DNAI3: variants seen among roughly 807,000 people sequenced by gnomAD.
DNAI3 encodes the protein dynein axonemal intermediate chain 3, also known as WD repeat domain 63.
DNAI3 carries 83 observed loss-of-function variants against 115.5 expected under a neutral mutation model. That is an observed-to-expected ratio of 0.72 (90% CI 0.60 to 0.86). The LOEUF is 0.86. Among genes scored for constraint, DNAI3 ranks in the 40% least tolerant of loss-of-function variants. DNAI3 has a pLI of 0.00. For missense variants in DNAI3, 1,004 were observed against 1,075.8 expected (o/e 0.93, Z 0.93); for synonymous variants, 320 against 347.0 (o/e 0.92, Z 0.86).
At chr1:85,112,309 G>A (rs1655683838) in intron 16 of DNAI3, among the ~76,000 whole-genome samples, 1 of 152,084 alleles carries the variant, frequency 6.6e-6, no homozygotes, top group African/African-American at 2.4e-5. Flanking sequence ...TTCATTGTAT[G>A]GATACACAAC....
At chr1:85,094,591 TC>T (rs751816513) in intron 10 of DNAI3, 36 bp downstream of exon 10, 2 of 1,607,252 alleles carry the variant, frequency 1.2e-6, no homozygotes, top group Admixed American at 3.4e-5. Flanking sequence ...GCCTAAATTT[TC>T]AAATACTACT....
intron 15 of DNAI3, among the ~76,000 whole-genome samples, chr1:85,108,995 T>C (rs978383161): frequency 3.9e-5 from 6 of 152,218 alleles, no homozygotes; most frequent in Non-Finnish European, 7.3e-5. Context: ...ATTCTGCCTA[T>C]CAAAATTTTG....
At chr1:85,116,303 C>G (rs1463649145) in intron 16 of DNAI3, among the ~76,000 whole-genome samples, 4 of 152,206 alleles carry the variant, frequency 2.6e-5, no homozygotes, top group Non-Finnish European at 5.9e-5. Context: ...TCTCTTCAGG[C>G]CTCCACTTCC....
intron 14 of DNAI3, 63 bp downstream of exon 14, chr1:85,104,660 C>A: frequency 1.5e-6 from 2 of 1,350,552 alleles, no homozygotes; most frequent in South Asian, 1.2e-5. Flanking sequence ...CTTCGATGCT[C>A]CTAAAATCAG....
chr1:85,097,729 G>T, intron 12 of DNAI3, 74 bp downstream of exon 12: 1 of 1,281,638 alleles, frequency 7.8e-7, no homozygotes. Flanking sequence ...TAATATAGTT[G>T]CCAAGGCTAA....
At chr1:85,117,526 C>T (rs1487744742) in intron 16 of DNAI3, among the ~76,000 whole-genome samples, 1 of 152,162 alleles carries the variant, frequency 6.6e-6, no homozygotes, top group Non-Finnish European at 1.5e-5. Context: ...TATAATATAG[C>T]ACAGTCATTG....
chr1:85,103,637 A>G (rs1429434531), intron 13 of DNAI3, among the ~76,000 whole-genome samples: 1 of 152,148 alleles, frequency 6.6e-6, no homozygotes, highest in East Asian at 1.9e-4. Context: ...CTCTAATCCC[A>G]GCATTTTCAG....
chr1:85,070,130 G>A (rs921078535), intron 1 of DNAI3, among the ~76,000 whole-genome samples: 7 of 152,134 alleles, frequency 4.6e-5, no homozygotes, highest in South Asian at 2.1e-4. Flanking sequence ...GCGTGCTGGC[G>A]TGCACCTGTA....
intron 13 of DNAI3, among the ~76,000 whole-genome samples, chr1:85,104,047 A>G (rs1299650921): frequency 6.6e-6 from 1 of 151,540 alleles, no homozygotes; most frequent in Non-Finnish European, 1.5e-5. Flanking sequence ...AAAAGACTAG[A>G]CAAGAATATG....
Position 85,119,683 on chromosome 1 carries a change from G to GT in DNAI3, c.1917+1830dup, listed in dbSNP as rs1365583301. Among the ~76,000 whole-genome samples, 6 of 151,714 alleles carry GT rather than the reference G, an allele frequency of 4.0e-5. No homozygotes were observed. In the East Asian group the frequency reaches 1.2e-3, roughly 29 times the overall value. On this transcript the variant is annotated intron_variant, in intron 17 of 22. Transcript: ENST00000294664. ...ACCTCCCTCTCACTCTGGCAGCTCT[G>GT]TTTTTTCCTTTTTTCTTTTTTCTTT...
rs182780024 is a variant in DNAI3 at position 85,078,037 on chromosome 1, G to A, written c.104-3197G>A. On this transcript the variant is annotated intron_variant, in intron 3 of 22. Coordinates refer to ENST00000294664, the MANE Select transcript of DNAI3 (RefSeq NM_145172.5). ...CATGAATTGTGTAGAGCTTGAGTCTGCCTTTGGTTCCTGCTAGGTGAATAA... is the reference window on the plus strand; with the variant it reads ...CATGAATTGTGTAGAGCTTGAGTCTACCTTTGGTTCCTGCTAGGTGAATAA... Among the ~76,000 whole-genome samples, 23 of 151,052 alleles carry A rather than the reference G, an allele frequency of 1.5e-4. No homozygotes were observed. In the East Asian group the frequency reaches 4.3e-3, roughly 28 times the overall value.
At chr1:85,129,535 T>C (rs1347949526) in intron 21 of DNAI3, among the ~76,000 whole-genome samples, 3 of 151,922 alleles carry the variant, frequency 2.0e-5, no homozygotes, top group African/African-American at 7.2e-5. Flanking sequence ...ATTGATACTC[T>C]CATCTGGGTT....
chr1:85,132,040 A>G (rs541732196), intron 22 of DNAI3, among the ~76,000 whole-genome samples: 1 of 152,328 alleles, frequency 6.6e-6, no homozygotes, highest in South Asian at 2.1e-4. Flanking sequence ...TATGTGAATG[A>G]ATTTGAAAGG....
intron 13 of DNAI3, among the ~76,000 whole-genome samples, chr1:85,102,360 A>G (rs968439997): frequency 1.3e-5 from 2 of 152,194 alleles, no homozygotes; most frequent in Admixed American, 1.3e-4. Context: ...ATAAAAAATA[A>G]AAAGTAAAGA....
At chr1:85,093,282 T>A (rs1388717797) in intron 8 of DNAI3, among the ~76,000 whole-genome samples, 176 bp from the exon 9 acceptor site, 5 of 152,250 alleles carry the variant, frequency 3.3e-5, no homozygotes, top group Admixed American at 3.3e-4. Context: ...GCCACCATGA[T>A]GTTTTTTTCT....
intron 19 of DNAI3, among the ~76,000 whole-genome samples, chr1:85,125,888 C>T (rs918414019): frequency 2.0e-5 from 3 of 152,178 alleles, no homozygotes; most frequent in Non-Finnish European, 4.4e-5. Context: ...TTGAAAACCT[C>T]CCAAAGAAGG....
intron 10 of DNAI3, among the ~76,000 whole-genome samples, chr1:85,095,112 C>T (rs1278715823): frequency 1.3e-5 from 2 of 152,140 alleles, no homozygotes; most frequent in Admixed American, 6.5e-5. Context: ...AAAAACCCCA[C>T]TCAAACCAAC....
intron 17 of DNAI3, 139 bp from the exon 18 acceptor site, chr1:85,121,612 C>G (rs1655996833): frequency 4.2e-6 from 3 of 706,608 alleles, no homozygotes; most frequent in African/African-American, 1.8e-5. Flanking sequence ...CCCTCTCCCC[C>G]ACTGGATCAA....
intron 2 of DNAI3, 58 bp downstream of exon 2, chr1:85,072,063 C>T: frequency 6.8e-7 from 1 of 1,469,730 alleles, no homozygotes; most frequent in South Asian, 1.2e-5. Context: ...TATATATTAG[C>T]AGCAAAATGA....
Sources: gnomAD v4.1 joint callset for allele counts (sites outside exome capture counted in the v4.1 genomes callset) on GRCh38, gnomAD v4.1.1 for gene constraint, MANE v1.5 for transcripts, NCBI Gene and HGNC (gene_info 2026-07-23, HGNC 2026-07-21) for gene names.